PHKG1: variants seen among roughly 807,000 people sequenced by gnomAD.
PHKG1 encodes phosphorylase kinase catalytic subunit gamma 1.
In PHKG1, 48 loss-of-function variants were observed where a neutral mutation model predicts 50.5. The ratio of observed to expected loss-of-function variants is 0.95; its 90% CI spans 0.75 to 1.21. The LOEUF (loss-of-function observed/expected upper bound fraction) is 1.21, where lower values mean the gene tolerates loss of function less well. Ranked by LOEUF, PHKG1 falls within the 50% of genes most tolerant of loss-of-function variation. PHKG1 has a pLI of 0.00. For missense variants in PHKG1, 487 were observed against 519.5 expected (o/e 0.94, Z 0.61); for synonymous variants, 204 against 212.8 (o/e 0.96, Z 0.36).
At chr7:56,086,852 G>A in intron 4 of PHKG1, 118 bp downstream of exon 4, 1 of 817,674 alleles carries the variant, frequency 1.2e-6, no homozygotes, top group Non-Finnish European at 2.2e-6. Flanking sequence ...CACCGTGATT[G>A]TATTTGGCAT....
chr7:56,091,115 G>C (rs1460986985), intron 1 of PHKG1, among the ~76,000 whole-genome samples: 2 of 152,166 alleles, frequency 1.3e-5, no homozygotes, highest in Non-Finnish European at 2.9e-5. Context: ...TTGGAAGGCT[G>C]AGGCAGGAGG....
At position 56,083,675 on chromosome 7, in the gene PHKG1, CCTT is replaced by C; in HGVS notation, c.355_357del (p.Lys119del). ...CTGGTTTCCTTCTCACTCAAGGTGA[CCTT>C]CTCAGTGAGGTAGTCAAAGAGCTCC... On this transcript the variant is annotated inframe_deletion, in exon 5 of 10. Coordinates refer to ENST00000297373, the MANE Select transcript of PHKG1 (RefSeq NM_006213.5). 12 of 1,586,158 alleles carry C rather than the reference CCTT, an allele frequency of 7.6e-6. No homozygotes were observed. The highest frequency in any genetic ancestry group is 4.5e-5 in the East Asian group (2 of 44,074).
chr7:56,081,081 G>A lies in PHKG1; in HGVS notation c.1137C>T (p.Leu379=). The A allele has an allele frequency of 6.2e-7, 1 of 1,612,874 alleles. No individual in the cohort carries two copies. The highest frequency in any genetic ancestry group is 8.5e-7 in the Non-Finnish European group (1 of 1,179,866). Residue 379 remains leucine, a synonymous_variant, in exon 10 of 10, where the codon CTC becomes CTT. Transcript: ENST00000297373. This position sits in a 1 kb window ranked among gnomAD's most constrained non-coding sequence, Gnocchi z 4.6. The part of the protein sequence containing the change: ...ALFENTPKAV[L]LSLAEEDY ...AGTAGTCCTCCTCGGCCAGGGAGAG[G>A]AGCACGGCCTTGGGTGTGTTCTCGA...
At chr7:56,082,122 C>G (rs998756099) in intron 7 of PHKG1, 41 bp downstream of exon 7, 2 of 1,611,648 alleles carry the variant, frequency 1.2e-6, no homozygotes, top group African/African-American at 2.7e-5. Flanking sequence ...TCCTCCCTTG[C>G]CCAGCCTAGC....
At chr7:56,091,195 G>A (rs1295384048) in intron 1 of PHKG1, among the ~76,000 whole-genome samples, 1 of 150,734 alleles carries the variant, frequency 6.6e-6, no homozygotes, top group Admixed American at 6.6e-5. Context: ...CCTAGGTGAC[G>A]GAGTGAGTGA....
At chr7:56,089,191 G>T (rs1463709950) in intron 1 of PHKG1, among the ~76,000 whole-genome samples, 1 of 152,022 alleles carries the variant, frequency 6.6e-6, no homozygotes, top group Non-Finnish European at 1.5e-5. Context: ...ATCACTTGAG[G>T]CCAGGATTTC....
chr7:56,082,729 A>C (rs1027557726), intron 6 of PHKG1, among the ~76,000 whole-genome samples: 6 of 152,172 alleles, frequency 3.9e-5, no homozygotes, highest in African/African-American at 1.2e-4. Flanking sequence ...CCACCAGCTC[A>C]TGGCCCATTG....
chr7:56,084,155 C>G, intron 4 of PHKG1: 1 of 1,526,192 alleles, frequency 6.6e-7, no homozygotes, highest in East Asian at 2.4e-5. Context: ...GTACCTTGCC[C>G]TGCCCTGGGC....
At position 56,083,687 on chromosome 7, in the gene PHKG1, GGTA is replaced by G. The variant is rs1796129805; in HGVS notation, c.343_345del (p.Tyr115del). On this transcript the variant is annotated inframe_deletion, in exon 5 of 10. Coordinates refer to ENST00000297373, the MANE Select transcript of PHKG1 (RefSeq NM_006213.5). The stretch of plus-strand genomic sequence containing the variant: ...TCACTCAAGGTGACCTTCTCAGTGA[GGTA>G]GTCAAAGAGCTCCCCTCTCTTCATC... 1.3e-6 allele frequency: 2 copies of G among 1,584,714 alleles called. No individual in the cohort carries two copies. Among genetic ancestry groups the G allele is most frequent in the Non-Finnish European group, 1.7e-6 (2 of 1,162,668 alleles).
chr7:56,088,405 G>A, intron 2 of PHKG1: 1 of 152,570 alleles, frequency 6.6e-6, no homozygotes, highest in East Asian at 2.0e-4. Context: ...CATACCTGTT[G>A]TCCCAGCTAC....
rs1041542802 is a variant in PHKG1, at chr7:56,088,888, C to G, written c.54G>C (p.Glu18Asp). 3 of 1,613,718 alleles carry G rather than the reference C, an allele frequency of 1.9e-6. No individual in the cohort carries two copies. The highest frequency in any genetic ancestry group is 2.5e-6 in the Non-Finnish European group (3 of 1,179,826). ...PDSHSAQDFY[E>D]NYEPKEILGR... ...CCAGGATCTCTTTGGGCTCATAATT[C>G]TCATAGAAGTCCTGTGCAGAATGAG... The change falls in exon 2 of 10, where the codon GAG becomes GAC. Residue 18 changes from glutamate (E) to aspartate (D), a missense_variant. By Grantham distance (45) the Glu-to-Asp change is conservative. Transcript: ENST00000297373.
rs546567087 is a variant in PHKG1, at chr7:56,081,135, C to T, written c.1083G>A (p.Lys361=). Residue 361 remains lysine (K), a synonymous_variant, in exon 10 of 10, where the codon AAG becomes AAA. Transcript: ENST00000297373. The surrounding 1 kb of genome is among the most constrained non-coding windows in gnomAD (Gnocchi z 4.6). ...GGGCTGCCCGGTTCTGCTGCTGCCC[C>T]TTCTTCACCCAGTGGCCATAGATTC... ...AFRIYGHWVK[K]GQQQNRAALF... is the part of the protein sequence containing the mutation. The T allele has an allele frequency of 6.2e-5, 100 of 1,613,868 alleles. 1 individual carries two copies. The South Asian group carries it at 9.9e-4, about 16-fold the overall frequency.
chr7:56,086,901 TG>T, intron 4 of PHKG1, 68 bp downstream of exon 4: 1 of 1,207,586 alleles, frequency 8.3e-7, no homozygotes, highest in Non-Finnish European at 1.2e-6. Flanking sequence ...CAGGCAGCCC[TG>T]GGGTTGGGGA....
Position 56,087,584 on chromosome 7 carries a change from G to A in PHKG1, c.262+14C>T. 1 of 1,609,266 alleles carries A rather than the reference G, an allele frequency of 6.2e-7. No individual in the cohort carries two copies. Among genetic ancestry groups the A allele is most frequent in the Non-Finnish European group, 8.5e-7 (1 of 1,176,880 alleles). On this transcript the variant is annotated intron_variant, in intron 3 of 9. Transcript: ENST00000297373. ...GGGGGGCACCCTGCCGTGTGGCTTGGGGCCATCACTCACTGATGTTGGGGT... is the reference window on the plus strand; with the variant it reads ...GGGGGGCACCCTGCCGTGTGGCTTGAGGCCATCACTCACTGATGTTGGGGT...
At chr7:56,083,614 G>GGGAGGGAGCGGAGAGAAGGGC in intron 5 of PHKG1, 36 bp downstream of exon 5, 1 of 1,553,226 alleles carries the variant, frequency 6.4e-7, no homozygotes, top group Non-Finnish European at 8.8e-7. Flanking sequence ...TAAGCCACGT[G>GGGAGGGAGCGGAGAGAAGGGC]GGAGGGAGCG....
At position 56,081,046 on chromosome 7, in the gene PHKG1, C is replaced by A; in HGVS notation, c.*8G>T. The stretch of plus-strand genomic sequence containing the variant: ...CTGCCCCCTAGCCCTCCCTGACTGG[C>A]CAGCCCCTCAGTAGTCCTCCTCGGC... On this transcript the variant is annotated 3_prime_UTR_variant, in exon 10 of 10. Coordinates refer to ENST00000297373, the MANE Select transcript of PHKG1 (RefSeq NM_006213.5). The surrounding 1 kb of genome is among the most constrained non-coding windows in gnomAD (Gnocchi z 4.6). 1 of 1,611,670 alleles carries A rather than the reference C, an allele frequency of 6.2e-7. No individual in the cohort carries two copies. The highest frequency in any genetic ancestry group is 1.7e-5 in the Admixed American group (1 of 60,014).
intron 3 of PHKG1, 65 bp from the exon 4 acceptor site, chr7:56,087,089 C>G: frequency 1.5e-6 from 2 of 1,292,658 alleles, no homozygotes; most frequent in Non-Finnish European, 2.3e-6. Context: ...AGCCGGGGCA[C>G]GGGGGTCAGG....
rs1006630959 is a variant in PHKG1, at chr7:56,084,353, A to G, written c.318-638T>C. ...CCCAGGACCCCAGACCCAGATCAGAAGGACGTGAGTATCCCGATTTTTTTT... is the reference window on the plus strand; with the variant it reads ...CCCAGGACCCCAGACCCAGATCAGAGGGACGTGAGTATCCCGATTTTTTTT... On this transcript the variant is annotated intron_variant, in intron 4 of 9. Coordinates refer to ENST00000297373, the MANE Select transcript of PHKG1 (RefSeq NM_006213.5). 2.7e-5 allele frequency: 16 copies of G among 596,418 alleles called. No individual in the cohort carries two copies. In the African/African-American group the frequency reaches 3.1e-4, roughly 12 times the overall value. 36.9% of individuals were successfully genotyped at this position (596,418 alleles called of 1,614,324 possible).
chr7:56,086,118 TC>T (rs1397221007), intron 4 of PHKG1, among the ~76,000 whole-genome samples: 8 of 151,488 alleles, frequency 5.3e-5, no homozygotes, highest in Non-Finnish European at 1.2e-4. Flanking sequence ...TTGGGTCACT[TC>T]CTGGACATGC....
Sources: allele counts gnomAD v4.1 joint callset (sites outside exome capture counted in the v4.1 genomes callset), GRCh38; gene constraint gnomAD v4.1.1; non-coding constraint Gnocchi (gnomAD v3.1); transcripts MANE v1.5; gene names NCBI Gene and HGNC (gene_info 2026-07-23, HGNC 2026-07-21).